ST8SIA6: variants seen among roughly 807,000 people sequenced by gnomAD.
ST8SIA6 encodes the protein alpha-2,8-sialyltransferase 8F.
Under a neutral mutation model 33.6 loss-of-function variants are expected in ST8SIA6, and 39 were observed. The ratio of observed to expected loss-of-function variants is 1.16; its 90% CI spans 0.90 to 1.52. The LOEUF (loss-of-function observed/expected upper bound fraction) is 1.52. Ranked by LOEUF, ST8SIA6 falls within the 40% of genes most tolerant of loss-of-function variation. The pLI is 0.00. For missense variants in ST8SIA6, 441 were observed against 443.8 expected (o/e 0.99, Z 0.06); for synonymous variants, 172 against 167.2 (o/e 1.03, Z -0.22).
chr10:17,378,612 A>C (rs1355607330), intron 3 of ST8SIA6, among the ~76,000 whole-genome samples: 1 of 152,152 alleles, frequency 6.6e-6, no homozygotes, highest in Non-Finnish European at 1.5e-5. Flanking sequence ...TAACACCCGC[A>C]TACCCAACAA....
At chr10:17,331,836 G>T (rs1284412788) in intron 4 of ST8SIA6, among the ~76,000 whole-genome samples, 1 of 151,974 alleles carries the variant, frequency 6.6e-6, no homozygotes, top group Non-Finnish European at 1.5e-5. Context: ...AGACATGCAG[G>T]TTTGTTACAT....
rs1847892594 is a variant in ST8SIA6 at position 17,319,960 on chromosome 10, T to C, written c.*918A>G. The C allele has an allele frequency of 6.6e-6, 1 of 152,198 alleles. No homozygotes were observed. The highest frequency in any genetic ancestry group is 6.5e-5 in the Admixed American group (1 of 15,274). 9.4% of individuals were successfully genotyped at this position (152,198 alleles called of 1,614,324 possible). On this transcript the variant is annotated 3_prime_UTR_variant, in exon 8 of 8. Transcript: ENST00000377602. ...ACTTTATTCATAGCTTTTGTCATTG[T>C]AATACTTATCATACCCCATCATAAT...
Position 17,340,974 on chromosome 10 carries a change from G to C in ST8SIA6, c.378-9422C>G, listed in dbSNP as rs145829873. The stretch of plus-strand genomic sequence containing the variant: ...AGTCTGTGTGTTTGCCTGTGGGCTT[G>C]TGTTGTGCAGCTACGGGAGGCAAGG... On this transcript the variant is annotated intron_variant, in intron 4 of 7. Transcript: ENST00000377602. Among the ~76,000 whole-genome samples, 748 of 152,334 alleles carry C rather than the reference G, an allele frequency of 4.9e-3. 1 individual carries two copies. The highest frequency in any genetic ancestry group is 7.6e-3 in the Non-Finnish European group (520 of 68,032).
chr10:17,356,724 TA>T (rs1407986302), intron 4 of ST8SIA6, among the ~76,000 whole-genome samples: 6 of 151,988 alleles, frequency 3.9e-5, no homozygotes, highest in African/African-American at 1.5e-4. Context: ...AAGGGATGGA[TA>T]GGCCATTTGG....
At position 17,389,457 on chromosome 10, in the gene ST8SIA6, C is replaced by T. The variant is rs541983276; in HGVS notation, c.290+1074G>A. On this transcript the variant is annotated intron_variant, in intron 3 of 7. Coordinates refer to ENST00000377602, the MANE Select transcript of ST8SIA6 (RefSeq NM_001004470.3). ...AGGTTACAGGCATAACCTCGTGTCC[C>T]TGCCCAACACACACACATCCTTTGT... 1.4e-4 allele frequency among the ~76,000 whole-genome samples: 22 copies of T among 152,250 alleles called. 1 individual carries two copies. The South Asian group carries it at 4.6e-3, about 32-fold the overall frequency.
rs748639608 is a variant in ST8SIA6, at chr10:17,390,587, C to T, written c.234G>A (p.Thr78=). Reference sequence around the variant, plus strand: ...CATATTGCAGATTTTTGCATTTCTCCGTCAGTTGGAGCGACTTCTCATTCA... The same window carrying T: ...CATATTGCAGATTTTTGCATTTCTCTGTCAGTTGGAGCGACTTCTCATTCA... ...TYLNEKSLQL[T]EKCKNLQYGI... is the part of the protein sequence containing the mutation. Residue 78 remains threonine (T), a synonymous_variant, in exon 3 of 8, where the codon ACG becomes ACA. Coordinates refer to ENST00000377602, the MANE Select transcript of ST8SIA6 (RefSeq NM_001004470.3). The T allele has an allele frequency of 5.6e-5, 91 of 1,613,696 alleles. 2 individuals are homozygous for T. Among genetic ancestry groups the T allele is most frequent in the East Asian group, 2.2e-5 (1 of 44,872 alleles).
chr10:17,331,223 T>A (rs558659180), intron 5 of ST8SIA6, among the ~76,000 whole-genome samples, 185 bp downstream of exon 5: 158 of 152,306 alleles, frequency 1.0e-3, no homozygotes, highest in African/African-American at 3.8e-3. Context: ...TAAATAATCC[T>A]TCCCTACAGA....
chr10:17,337,549 C>G (rs1164156529), intron 4 of ST8SIA6, among the ~76,000 whole-genome samples: 9 of 152,162 alleles, frequency 5.9e-5, no homozygotes, highest in African/African-American at 2.2e-4. Context: ...ACTTTTCCAG[C>G]TTTTGTGTGC....
chr10:17,324,889 TTA>T (rs902915221), intron 6 of ST8SIA6, among the ~76,000 whole-genome samples: 1 of 146,824 alleles, frequency 6.8e-6, no homozygotes, highest in Non-Finnish European at 1.5e-5. Flanking sequence ...TATATGTATA[TTA>T]TATATAACAT....
chr10:17,393,593 C>T (rs1438629468), intron 2 of ST8SIA6, among the ~76,000 whole-genome samples: 2 of 152,058 alleles, frequency 1.3e-5, no homozygotes, highest in East Asian at 3.9e-4. Context: ...TCCTGTGTCC[C>T]CAGAGAGGAG....
At chr10:17,427,606 C>T (rs1250068825) in intron 2 of ST8SIA6, among the ~76,000 whole-genome samples, 1 of 152,218 alleles carries the variant, frequency 6.6e-6, no homozygotes, top group African/African-American at 2.4e-5. Flanking sequence ...GATTTCCTTT[C>T]TATAGATCAA....
intron 2 of ST8SIA6, among the ~76,000 whole-genome samples, chr10:17,429,063 T>A (rs1852022458): frequency 6.6e-6 from 1 of 151,986 alleles, no homozygotes; most frequent in Admixed American, 6.6e-5. Flanking sequence ...GGGGCTTCAT[T>A]TAACATCTTG....
rs543413396 is a variant in ST8SIA6 at position 17,322,188 on chromosome 10, AAGAG to A, written c.729-846_729-843del. On this transcript the variant is annotated intron_variant, in intron 7 of 7. Coordinates refer to ENST00000377602, the MANE Select transcript of ST8SIA6 (RefSeq NM_001004470.3). ...GAAAGACGGAAGAAAGAAGGAGAGA[AAGAG>A]AGACAGAAAGGAAAGAAAGAGAAAG... Among the ~76,000 whole-genome samples, 500 of 150,092 alleles carry A rather than the reference AAGAG, an allele frequency of 3.3e-3. 2 individuals are homozygous for A. Among genetic ancestry groups the A allele is most frequent in the African/African-American group, 0.011 (460 of 40,768 alleles).
chr10:17,428,861 C>T (rs1564460172), intron 2 of ST8SIA6, among the ~76,000 whole-genome samples: 1 of 152,130 alleles, frequency 6.6e-6, no homozygotes, highest in Non-Finnish European at 1.5e-5. Flanking sequence ...CCGACCATCT[C>T]GGCAGAAAGC....
intron 2 of ST8SIA6, among the ~76,000 whole-genome samples, chr10:17,448,340 A>G (rs1269694290): frequency 6.6e-6 from 1 of 152,210 alleles, no homozygotes. Context: ...AAAGAATAAC[A>G]GCAGTTGCTG....
In ST8SIA6 at chr10:17,363,807, A is replaced by T. The variant is rs572824403; in HGVS notation, c.291-4207T>A. On this transcript the variant is annotated intron_variant, in intron 3 of 7. Transcript: ENST00000377602. ...CCACCCAAGCTGATAGTAAAACATGAATGAGCTCACCATAGCTCCTATACT... is the reference window on the plus strand; with the variant it reads ...CCACCCAAGCTGATAGTAAAACATGTATGAGCTCACCATAGCTCCTATACT... 2.0e-5 allele frequency among the ~76,000 whole-genome samples: 3 copies of T among 152,266 alleles called. No individual in the cohort carries two copies. The South Asian group carries it at 6.2e-4, about 32-fold the overall frequency.
chr10:17,358,832 C>G (rs982228445), intron 4 of ST8SIA6, among the ~76,000 whole-genome samples: 1 of 152,098 alleles, frequency 6.6e-6, no homozygotes, highest in Non-Finnish European at 1.5e-5. Flanking sequence ...CCCAAAAAAA[C>G]CAGAGCAATC....
At chr10:17,376,912 A>T (rs1434971401) in intron 3 of ST8SIA6, among the ~76,000 whole-genome samples, 1 of 152,220 alleles carries the variant, frequency 6.6e-6, no homozygotes, top group East Asian at 1.9e-4. Context: ...GTTTCAAAAA[A>T]GTATTGGTTT....
At chr10:17,444,261 T>C (rs1293900444) in intron 2 of ST8SIA6, among the ~76,000 whole-genome samples, 1 of 152,254 alleles carries the variant, frequency 6.6e-6, no homozygotes, top group African/African-American at 2.4e-5. Flanking sequence ...TTGATTTTTG[T>C]TGCAGGGAAA....
Sources: gnomAD v4.1 joint callset for allele counts (sites outside exome capture counted in the v4.1 genomes callset) on GRCh38, gnomAD v4.1.1 for gene constraint, MANE v1.5 for transcripts, NCBI Gene and HGNC (gene_info 2026-07-23, HGNC 2026-07-21) for gene names.